The following ZFHX3 variants were observed in gnomAD, a reference collection of about 807,000 sequenced individuals.
ZFHX3 encodes the protein zinc finger homeobox protein 3.
ZFHX3 carries 42 observed loss-of-function variants against 279.1 expected under a neutral mutation model. The observed-to-expected ratio is 0.15, with a 90% CI of 0.12 to 0.19. The LOEUF (loss-of-function observed/expected upper bound fraction) is 0.19, where lower values mean the gene tolerates loss of function less well. ZFHX3 is among the 10% of genes least tolerant of loss of function. The probability of loss-of-function intolerance (pLI) is 1.00; values close to 1 mark genes in which losing one functional copy is unlikely to be tolerated. For synonymous variants in ZFHX3, 2,293 were observed against 1,957.8 expected (o/e 1.17, Z -4.52); for missense variants, 4,981 against 4,754.0 (o/e 1.05, Z -1.40).
chr16:73,807,416 T>C (rs566476346), intron 1 of ZFHX3, among the ~76,000 whole-genome samples: 12 of 152,200 alleles, frequency 7.9e-5, no homozygotes, highest in African/African-American at 2.9e-4. Context: ...GTTTTAGAAA[T>C]ATCTATAACC....
intron 1 of ZFHX3, among the ~76,000 whole-genome samples, chr16:73,025,805 A>T (rs1042262148): frequency 6.6e-6 from 1 of 152,056 alleles, no homozygotes; most frequent in Admixed American, 6.5e-5. Context: ...AAGTGATCCA[A>T]CTCTTTCAGG....
At chr16:72,843,037 A>G (rs1323430650) in intron 4 of ZFHX3, among the ~76,000 whole-genome samples, 2 of 152,230 alleles carry the variant, frequency 1.3e-5, no homozygotes, top group Non-Finnish European at 2.9e-5. Context: ...AATAGTCCAA[A>G]CACAAAGAGA....
intron 3 of ZFHX3, among the ~76,000 whole-genome samples, chr16:73,350,130 A>G (rs143345560): frequency 6.6e-6 from 1 of 152,218 alleles, no homozygotes; most frequent in African/African-American, 2.4e-5. Context: ...CTGAGTCTTC[A>G]TCAGCCTAGA....
At position 72,785,976 on chromosome 16, in the gene ZFHX3, C is replaced by CTTTAG. The variant is rs2035352607; in HGVS notation, c.*1183_*1187dup. The CTTTAG allele has an allele frequency of 6.6e-6, 1 of 152,112 alleles. No individual in the cohort carries two copies. 9.4% of individuals were successfully genotyped at this position (152,112 alleles called of 1,614,324 possible). A position where few individuals can be genotyped will look rare whatever the true frequency, so the allele number is the denominator to read the frequency against. ...CCCCTAGAATCCCTTGAAATTCTTT[C>CTTTAG]TTTAGTTTTATAAAATAATTCTGCA... On this transcript the variant is annotated 3_prime_UTR_variant, in exon 10 of 10. Transcript: ENST00000268489.
At chr16:73,531,897 TG>T (rs1291247956) in intron 2 of ZFHX3, among the ~76,000 whole-genome samples, 1 of 151,988 alleles carries the variant, frequency 6.6e-6, no homozygotes, top group Non-Finnish European at 1.5e-5. Context: ...GAGACCAGCC[TG>T]GGCAACATAG....
At chr16:73,753,250 C>T (rs1012312925) in intron 1 of ZFHX3, among the ~76,000 whole-genome samples, 22 of 152,172 alleles carry the variant, frequency 1.4e-4, no homozygotes, top group African/African-American at 5.3e-4. Flanking sequence ...CTGACCAAAA[C>T]AGGATCTGGC....
At chr16:73,758,233 A>AATTC (rs5817875) in intron 1 of ZFHX3, among the ~76,000 whole-genome samples, 64 of 150,844 alleles carry the variant, frequency 4.2e-4, no homozygotes, top group South Asian at 8.4e-4. Flanking sequence ...TGTTACTAGA[A>AATTC]ATTCATTCAT....
At chr16:73,026,585 T>C (rs1441332590) in intron 1 of ZFHX3, among the ~76,000 whole-genome samples, 1 of 145,998 alleles carries the variant, frequency 6.8e-6, no homozygotes, top group Non-Finnish European at 1.5e-5. Context: ...GCAGGAGAAC[T>C]ACTTGAACCT....
At chr16:72,854,650 A>T (rs78945721) in intron 4 of ZFHX3, among the ~76,000 whole-genome samples, 1 of 152,186 alleles carries the variant, frequency 6.6e-6, no homozygotes, top group Non-Finnish European at 1.5e-5. Flanking sequence ...TTTTTTAAAA[A>T]ATGTATTTTA....
intron 1 of ZFHX3, among the ~76,000 whole-genome samples, chr16:72,971,878 ATTTTTTTTTTTTTTTT>A (rs34508228): frequency 1.0e-5 from 1 of 95,466 alleles, no homozygotes. Flanking sequence ...CTGCCTATTA[ATTTTTTTTTTTTTTTT>A]TTTTTTTTTG....
chr16:73,794,147 G>C (rs1418848673), intron 1 of ZFHX3: 3 of 152,224 alleles, frequency 2.0e-5, no homozygotes, highest in African/African-American at 4.8e-5. Context: ...AAGGCCACGG[G>C]AAAGTGATTG....
rs2015214477 is a variant in ZFHX3, at chr16:73,307,695, GTT to G, written c.-1194+10543_-1194+10544del. Among the ~76,000 whole-genome samples, 4 of 152,060 alleles carry G rather than the reference GTT, an allele frequency of 2.6e-5. No individual in the cohort carries two copies. The South Asian group carries it at 8.3e-4, about 32-fold the overall frequency. ...GGCCAACTTTCCTTCTCTTATATCT[GTT>G]TGGTTTCTTACTATCCTGGGTTGTT... On this transcript the variant is annotated intron_variant, in intron 4 of 17. Coordinates refer to the ZFHX3 transcript ENST00000641206.
At chr16:72,884,341 C>T (rs2038570274) in intron 4 of ZFHX3, among the ~76,000 whole-genome samples, 1 of 152,138 alleles carries the variant, frequency 6.6e-6, no homozygotes, top group Non-Finnish European at 1.5e-5. Context: ...CTGCTTTTTG[C>T]TCCAAGCAAA....
chr16:72,961,167 G>C (rs553577320), intron 1 of ZFHX3, among the ~76,000 whole-genome samples: 2 of 152,186 alleles, frequency 1.3e-5, no homozygotes, highest in African/African-American at 4.8e-5. Flanking sequence ...CCACGTGCCT[G>C]GTGGTTTTTG....
chr16:72,961,370 T>G (rs1008241316), intron 1 of ZFHX3, among the ~76,000 whole-genome samples: 1 of 152,192 alleles, frequency 6.6e-6, no homozygotes, highest in African/African-American at 2.4e-5. Context: ...GAGGGAGGCA[T>G]CGGATCACGG....
chr16:72,867,602 A>G (rs1359520512), intron 4 of ZFHX3, among the ~76,000 whole-genome samples: 1 of 152,236 alleles, frequency 6.6e-6, no homozygotes, highest in Non-Finnish European at 1.5e-5. Flanking sequence ...ACACCAGTTT[A>G]AACATGTAAT....
intron 3 of ZFHX3, among the ~76,000 whole-genome samples, chr16:73,328,950 G>A (rs768041720): frequency 1.3e-5 from 2 of 152,176 alleles, no homozygotes; most frequent in African/African-American, 2.4e-5. Context: ...TTAGCACATC[G>A]AAGGACCTCT....
At chr16:72,878,674 C>T (rs1225133316) in intron 4 of ZFHX3, among the ~76,000 whole-genome samples, 1 of 152,116 alleles carries the variant, frequency 6.6e-6, no homozygotes, top group African/African-American at 2.4e-5. Flanking sequence ...ACAAAGAATC[C>T]CACCCCTGGG....
intron 4 of ZFHX3, among the ~76,000 whole-genome samples, chr16:73,307,071 T>C (rs9931789): frequency 0.017 from 2,584 of 152,364 alleles, 78 homozygotes; most frequent in African/African-American, 0.059. Flanking sequence ...AATGCCTTTT[T>C]GGATGATAAA....
Sources: gnomAD v4.1 joint callset for allele counts (sites outside exome capture counted in the v4.1 genomes callset) on GRCh38, gnomAD v4.1.1 for gene constraint, MANE v1.5 for transcripts, NCBI Gene and HGNC (gene_info 2026-07-23, HGNC 2026-07-21) for gene names.